KCNIP1: variants seen among roughly 807,000 people sequenced by gnomAD.
The protein encoded by KCNIP1 is A-type potassium channel modulatory protein KCNIP1.
A neutral mutation model predicts 33.0 loss-of-function variants in KCNIP1; 18 were observed. The observed-to-expected ratio is 0.55, with a 90% CI of 0.38 to 0.81. KCNIP1 has a LOEUF of 0.81. Ranked by LOEUF, KCNIP1 falls within the 30% of genes least tolerant of loss-of-function variation. KCNIP1 has a pLI of 0.00. For synonymous variants in KCNIP1, 93 were observed against 98.3 expected, an observed-to-expected ratio of 0.95 and a Z score of 0.32; for missense variants, 238 against 271.6, an observed-to-expected ratio of 0.88 and a Z score of 0.87.
chr5:170,653,193 A>G (rs1306673807), intron 1 of KCNIP1, among the ~76,000 whole-genome samples: 1 of 152,166 alleles, frequency 6.6e-6, no homozygotes. Flanking sequence ...GCCAAGAGGG[A>G]TGGCATCTGT....
At chr5:170,457,242 T>C (rs558413126) in intron 1 of KCNIP1, among the ~76,000 whole-genome samples, 3 of 152,090 alleles carry the variant, frequency 2.0e-5, no homozygotes, top group South Asian at 2.1e-4. Context: ...CAAGTAGAAA[T>C]AGAAAATCTA....
chr5:170,423,077 C>A (rs1011424763), intron 1 of KCNIP1, among the ~76,000 whole-genome samples: 1 of 152,124 alleles, frequency 6.6e-6, no homozygotes, highest in African/African-American at 2.4e-5. Flanking sequence ...CAGAGCACAA[C>A]CCTGTCTCAA....
chr5:170,666,605 G>A (rs990955754), intron 1 of KCNIP1, among the ~76,000 whole-genome samples: 3 of 152,194 alleles, frequency 2.0e-5, no homozygotes, highest in African/African-American at 7.2e-5. Flanking sequence ...AATAATCCAA[G>A]CAGCAAAGAA....
At chr5:170,441,651 A>C (rs1232791750) in intron 1 of KCNIP1, among the ~76,000 whole-genome samples, 1 of 152,096 alleles carries the variant, frequency 6.6e-6, no homozygotes, top group Non-Finnish European at 1.5e-5. Flanking sequence ...TTGGCTTTTG[A>C]GAGAAAATGT....
intron 1 of KCNIP1, among the ~76,000 whole-genome samples, chr5:170,645,320 A>G (rs1327162476): frequency 6.6e-6 from 1 of 152,196 alleles, no homozygotes; most frequent in African/African-American, 2.4e-5. Context: ...AGAAAGTGAG[A>G]GTAGCTACAT....
intron 1 of KCNIP1, among the ~76,000 whole-genome samples, chr5:170,642,429 A>G (rs982810632): frequency 6.6e-6 from 1 of 152,210 alleles, no homozygotes; most frequent in Non-Finnish European, 1.5e-5. Flanking sequence ...TGGCTGTGGA[A>G]GCCGATGGAC....
At chr5:170,564,103 A>C (rs570719441) in intron 1 of KCNIP1, among the ~76,000 whole-genome samples, 1 of 152,330 alleles carries the variant, frequency 6.6e-6, no homozygotes, top group Non-Finnish European at 1.5e-5. Context: ...GCTATGCAAT[A>C]ACAATCTGCT....
intron 1 of KCNIP1, among the ~76,000 whole-genome samples, chr5:170,481,861 T>C (rs1345795127): frequency 2.0e-5 from 3 of 152,224 alleles, no homozygotes. Flanking sequence ...AACTCATCCA[T>C]GGTGGGTTTT....
intron 1 of KCNIP1, among the ~76,000 whole-genome samples, chr5:170,442,183 G>C (rs1756009149): frequency 3.3e-5 from 5 of 152,048 alleles, no homozygotes; most frequent in African/African-American, 4.8e-5. Context: ...CCCCACATGA[G>C]CTCTGAGGCC....
intron 1 of KCNIP1, among the ~76,000 whole-genome samples, chr5:170,572,257 A>G (rs867638026): frequency 6.6e-6 from 1 of 152,228 alleles, no homozygotes; most frequent in East Asian, 1.9e-4. Flanking sequence ...AGGCACAAAC[A>G]AAAACAAAAT....
At chr5:170,681,187 C>G (rs1185060780) in intron 1 of KCNIP1, 1 of 398,996 alleles carries the variant, frequency 2.5e-6, no homozygotes, top group East Asian at 3.6e-5. Context: ...GGTAAGCGAA[C>G]CCTGGAGCTT....
intron 1 of KCNIP1, among the ~76,000 whole-genome samples, chr5:170,529,034 A>G (rs962985639): frequency 1.5e-4 from 23 of 152,314 alleles, no homozygotes; most frequent in African/African-American, 5.5e-4. Flanking sequence ...GAACCTTTTC[A>G]GTTTCAAACA....
chr5:170,582,877 A>C (rs1217819938), intron 1 of KCNIP1, among the ~76,000 whole-genome samples: 3 of 152,222 alleles, frequency 2.0e-5, no homozygotes, highest in African/African-American at 7.2e-5. Context: ...ATTACATGGG[A>C]GCAAACTGCC....
intron 1 of KCNIP1, among the ~76,000 whole-genome samples, chr5:170,637,125 C>T (rs1760315986): frequency 6.6e-6 from 1 of 152,152 alleles, no homozygotes; most frequent in Non-Finnish European, 1.5e-5. Context: ...ACAACAGCAT[C>T]GATTCCAGGC....
At chr5:170,645,849 AAAC>A (rs1760762622) in intron 1 of KCNIP1, among the ~76,000 whole-genome samples, 1 of 152,218 alleles carries the variant, frequency 6.6e-6, no homozygotes, top group East Asian at 1.9e-4. Flanking sequence ...CTTGGAGATT[AAAC>A]AACACTCCTA....
At chr5:170,437,282 C>T (rs374538069) in intron 1 of KCNIP1, among the ~76,000 whole-genome samples, 18 of 152,296 alleles carry the variant, frequency 1.2e-4, no homozygotes, top group African/African-American at 4.1e-4. Flanking sequence ...TTATGGCCTG[C>T]TTCAGGGGAG....
intron 1 of KCNIP1, among the ~76,000 whole-genome samples, chr5:170,675,303 A>AATAT (rs749714560): frequency 9.9e-5 from 15 of 151,152 alleles, no homozygotes; most frequent in African/African-American, 3.6e-4. Context: ...TGTCTCAAAA[A>AATAT]ATATATATAT....
intron 1 of KCNIP1, among the ~76,000 whole-genome samples, chr5:170,675,187 T>C (rs1762083258): frequency 6.6e-6 from 1 of 151,870 alleles, no homozygotes; most frequent in South Asian, 2.1e-4. Context: ...TAATTCCAGC[T>C]ACTTGGGAGG....
intron 1 of KCNIP1, among the ~76,000 whole-genome samples, chr5:170,705,233 G>T (rs13173208): frequency 1.3e-5 from 2 of 152,052 alleles, no homozygotes; most frequent in Admixed American, 6.5e-5. Flanking sequence ...GTCTGCCAAG[G>T]CTTCATTTAT....
Sources: gnomAD v4.1 joint callset for allele counts (sites outside exome capture counted in the v4.1 genomes callset) on GRCh38, gnomAD v4.1.1 for gene constraint, MANE v1.5 for transcripts, NCBI Gene and HGNC (gene_info 2026-07-23, HGNC 2026-07-21) for gene names.